Variants in CCDC178 observed in about 807,000 individuals in gnomAD.
CCDC178 encodes the protein coiled-coil domain containing 178, also known as coiled-coil domain-containing protein 178.
In CCDC178, 126 loss-of-function variants were observed where a neutral mutation model predicts 117.4. The observed-to-expected ratio is 1.07, with a 90% confidence interval of 0.93 to 1.24. The LOEUF (loss-of-function observed/expected upper bound fraction) is 1.24. Ranked by LOEUF, CCDC178 falls within the 50% of genes most tolerant of loss-of-function variation. The pLI is 0.00. For synonymous variants in CCDC178, 283 were observed against 313.4 expected, an observed-to-expected ratio of 0.90 and a Z score of 1.02; for missense variants, 1,030 against 986.9, an observed-to-expected ratio of 1.04 and a Z score of -0.59.
At chr18:33,123,905 G>T (rs908797170) in intron 20 of CCDC178, among the ~76,000 whole-genome samples, 1 of 152,078 alleles carries the variant, frequency 6.6e-6, no homozygotes, top group Non-Finnish European at 1.5e-5. Flanking sequence ...TCTTAATGTC[G>T]TATTCAAACT....
intron 6 of CCDC178, among the ~76,000 whole-genome samples, chr18:33,363,110 A>T (rs1468684854): frequency 6.6e-6 from 1 of 152,008 alleles, no homozygotes; most frequent in Non-Finnish European, 1.5e-5. Flanking sequence ...AAAGTGTTCT[A>T]AAAAAATTTT....
intron 21 of CCDC178, among the ~76,000 whole-genome samples, chr18:33,056,974 A>G (rs762885839): frequency 1.3e-4 from 17 of 134,442 alleles, no homozygotes; most frequent in Non-Finnish European, 2.3e-4. Flanking sequence ...GCTTTCCACT[A>G]TTTTTCCAAT....
In CCDC178 at chr18:33,223,193, T is replaced by C; in HGVS notation, c.1845A>G (p.Lys615=). 1 of 1,605,068 alleles carries C rather than the reference T, an allele frequency of 6.2e-7. No homozygotes were observed. The highest frequency in any genetic ancestry group is 8.5e-7 in the Non-Finnish European group (1 of 1,175,620). The part of the protein sequence containing the change: ...SVMLNNIIDQ[K]DLIRRKVGKV... ...TTCCCACCTTTCTTCTAATAAGATC[T>C]TTCTGATCAATTATATTATTAAGCA... Residue 615 remains lysine (K), a synonymous_variant, in exon 18 of 23, where the codon AAA becomes AAG. Transcript: ENST00000383096.
chr18:32,983,413 A>T, intron 21 of CCDC178: 3 of 961,682 alleles, frequency 3.1e-6, no homozygotes, highest in South Asian at 2.8e-5. Flanking sequence ...CGTATTTCCT[A>T]TCTACAAACA....
chr18:33,044,452 T>C (rs2056605489), intron 21 of CCDC178, among the ~76,000 whole-genome samples: 1 of 151,796 alleles, frequency 6.6e-6, no homozygotes, highest in African/African-American at 2.4e-5. Flanking sequence ...GAAATGCAAA[T>C]TAAAACCACA....
intron 21 of CCDC178, among the ~76,000 whole-genome samples, chr18:33,055,699 A>C (rs912923270): frequency 2.0e-5 from 3 of 152,196 alleles, no homozygotes; most frequent in Non-Finnish European, 2.9e-5. Flanking sequence ...TGAAGCTATA[A>C]GTTCAATGAG....
At chr18:33,368,576 A>G (rs2063250689) in intron 6 of CCDC178, among the ~76,000 whole-genome samples, 2 of 151,952 alleles carry the variant, frequency 1.3e-5, no homozygotes, top group African/African-American at 4.8e-5. Context: ...CCTATTATCC[A>G]TAGTATCTAA....
chr18:33,403,564 A>G (rs979983079), intron 3 of CCDC178, among the ~76,000 whole-genome samples: 1 of 152,054 alleles, frequency 6.6e-6, no homozygotes, highest in Non-Finnish European at 1.5e-5. Context: ...ATCAGTTTGG[A>G]TACTACAGTT....
intron 20 of CCDC178, among the ~76,000 whole-genome samples, chr18:33,176,163 T>C (rs113784053): frequency 3.3e-5 from 5 of 152,320 alleles, no homozygotes; most frequent in Non-Finnish European, 7.4e-5. Flanking sequence ...TTACTTATTG[T>C]CACTCTCCTA....
At chr18:33,236,060 C>A (rs1052056942) in intron 15 of CCDC178, among the ~76,000 whole-genome samples, 20 of 152,148 alleles carry the variant, frequency 1.3e-4, no homozygotes, top group African/African-American at 4.6e-4. Flanking sequence ...ACTTATCTGG[C>A]ATTTTACAGA....
At chr18:33,438,518 TACACAC>T (rs113727839) in intron 2 of CCDC178, among the ~76,000 whole-genome samples, 8 of 146,446 alleles carry the variant, frequency 5.5e-5, no homozygotes, top group Admixed American at 2.1e-4. Flanking sequence ...ATATACGGCA[TACACAC>T]ACACACACAC....
At chr18:33,162,592 C>T (rs1003614074) in intron 20 of CCDC178, among the ~76,000 whole-genome samples, 2 of 152,126 alleles carry the variant, frequency 1.3e-5, no homozygotes, top group African/African-American at 4.8e-5. Context: ...CAAACATCCA[C>T]CCTCAAGCAG....
At chr18:32,997,412 C>T (rs2055535729) in intron 21 of CCDC178, among the ~76,000 whole-genome samples, 1 of 152,110 alleles carries the variant, frequency 6.6e-6, no homozygotes, top group Non-Finnish European at 1.5e-5. Context: ...ATGTTCTCCA[C>T]CAACCACTAT....
chr18:33,313,359 A>C (rs976973479), intron 11 of CCDC178, among the ~76,000 whole-genome samples: 50 of 152,334 alleles, frequency 3.3e-4, no homozygotes, highest in African/African-American at 1.2e-3. Flanking sequence ...AGCTGACCTT[A>C]TGTCAAAACA....
intron 11 of CCDC178, among the ~76,000 whole-genome samples, chr18:33,300,482 T>C (rs2062162603): frequency 6.6e-6 from 1 of 152,026 alleles, no homozygotes; most frequent in Admixed American, 6.6e-5. Context: ...GACAGGAAGG[T>C]GAGAGAAGGT....
intron 12 of CCDC178, among the ~76,000 whole-genome samples, chr18:33,289,184 T>C (rs2060137293): frequency 6.6e-6 from 1 of 152,204 alleles, no homozygotes. Context: ...GTCATTCTCA[T>C]ATGAATTTAG....
In CCDC178 at chr18:33,223,130, G is replaced by A. The variant is rs369521401; in HGVS notation, c.1908C>T (p.Thr636=). ...KKKLRKKGKK[T]LDALIETESK... is the part of the protein sequence containing the mutation. ...CCTCAGTTTCTATTAATGCATCAAG[G>A]GTTTTCTTCCCCTTTTTTCGTAATT... The change falls in exon 18 of 23, where the codon ACC becomes ACT. Residue 636 remains threonine (T), a synonymous_variant. Transcript: ENST00000383096. The A allele has an allele frequency of 1.1e-5, 17 of 1,601,776 alleles. No individual in the cohort carries two copies. Among genetic ancestry groups the A allele is most frequent in the Non-Finnish European group, 1.4e-5 (17 of 1,172,656 alleles).
intron 4 of CCDC178, among the ~76,000 whole-genome samples, chr18:33,391,954 C>T (rs949167828): frequency 6.6e-6 from 1 of 151,854 alleles, no homozygotes; most frequent in South Asian, 2.1e-4. Context: ...ACCTCTGCCT[C>T]CTGGGTTCAA....
intron 2 of CCDC178, among the ~76,000 whole-genome samples, chr18:33,426,694 C>T (rs1025704239): frequency 1.3e-5 from 2 of 152,168 alleles, no homozygotes; most frequent in African/African-American, 4.8e-5. Flanking sequence ...ACTTTCTTAT[C>T]AATTCAGTAT....
Sources: gnomAD v4.1 joint callset for allele counts (sites outside exome capture counted in the v4.1 genomes callset) on GRCh38, gnomAD v4.1.1 for gene constraint, MANE v1.5 for transcripts, NCBI Gene and HGNC (gene_info 2026-07-23, HGNC 2026-07-21) for gene names.